Variants in TARS3 observed in about 807,000 individuals in gnomAD.
The protein encoded by TARS3 is threonyl-tRNA synthetase 3.
A neutral mutation model predicts 103.5 loss-of-function variants in TARS3; 94 were observed. The observed-to-expected ratio is 0.91, with a 90% confidence interval of 0.77 to 1.08. TARS3 has a LOEUF of 1.08. TARS3 is among the 50% of genes least tolerant of loss of function. The pLI, the probability that TARS3 is intolerant of heterozygous loss-of-function variation, is 0.00. For missense variants in TARS3, 952 were observed against 995.2 expected, an observed-to-expected ratio of 0.96 and a Z score of 0.58; for synonymous variants, 416 against 355.4, an observed-to-expected ratio of 1.17 and a Z score of -1.92.
chr15:101,705,353 T>C (rs1484851470), intron 7 of TARS3, among the ~76,000 whole-genome samples: 2 of 152,146 alleles, frequency 1.3e-5, no homozygotes, highest in African/African-American at 4.8e-5. Context: ...GCCGAGGAGA[T>C]GGCTTGTAAT....
intron 3 of TARS3, among the ~76,000 whole-genome samples, chr15:101,718,721 G>C (rs755104522): frequency 6.6e-6 from 1 of 152,072 alleles, no homozygotes; most frequent in Non-Finnish European, 1.5e-5. Flanking sequence ...GGAGTGAGCC[G>C]AATAAAAAAG....
intron 4 of TARS3, among the ~76,000 whole-genome samples, chr15:101,712,863 G>A (rs970811443): frequency 2.0e-5 from 3 of 152,226 alleles, no homozygotes; most frequent in African/African-American, 7.2e-5. Context: ...GGAGTCAGAT[G>A]ATGGAGCACT....
intron 3 of TARS3, among the ~76,000 whole-genome samples, chr15:101,716,470 T>C (rs1473380618): frequency 6.6e-6 from 1 of 152,200 alleles, no homozygotes; most frequent in East Asian, 1.9e-4. Context: ...ATCATAATTA[T>C]GTGATTTTAT....
At chr15:101,689,763 A>G (rs570089891) in intron 10 of TARS3, among the ~76,000 whole-genome samples, 1 of 152,280 alleles carries the variant, frequency 6.6e-6, no homozygotes, top group South Asian at 2.1e-4. Context: ...ACTGGGAGAT[A>G]ATAAATTTCT....
At chr15:101,721,361 G>A in intron 2 of TARS3, 39 bp from the exon 3 acceptor site, 1 of 1,517,160 alleles carries the variant, frequency 6.6e-7, no homozygotes, top group Non-Finnish European at 9.1e-7. Context: ...AATATATACA[G>A]CCTACTGTTT....
At chr15:101,697,108 T>C (rs1899018860) in intron 10 of TARS3, among the ~76,000 whole-genome samples, 1 of 152,232 alleles carries the variant, frequency 6.6e-6, no homozygotes, top group Non-Finnish European at 1.5e-5. Context: ...TCAGCATAAA[T>C]TCCTGTCTTA....
chr15:101,683,970 T>C, intron 12 of TARS3, 105 bp downstream of exon 12: 1 of 1,172,718 alleles, frequency 8.5e-7, no homozygotes, highest in Non-Finnish European at 1.2e-6. Flanking sequence ...TCTCAGAGAC[T>C]AGACCAAACG....
rs1486990308 is a variant in TARS3, at chr15:101,723,138, C to T, written c.324G>A (p.Lys108=). Residue 108 remains lysine, a synonymous_variant, in exon 2 of 19, where the codon AAG becomes AAA. Transcript: ENST00000335968. The part of the protein sequence containing the change: ...AQPPPSQSQD[K]DMKKKKMKES... ...CCTTCATTTTCTTCTTTTTCATGTCCTTGTCTTGGCTTTGACTAGGAGGAG... is the reference window on the plus strand; with the variant it reads ...CCTTCATTTTCTTCTTTTTCATGTCTTTGTCTTGGCTTTGACTAGGAGGAG... 2 of 1,614,046 alleles carry T rather than the reference C, an allele frequency of 1.2e-6. No individual in the cohort carries two copies. The highest frequency in any genetic ancestry group is 1.7e-5 in the Admixed American group (1 of 60,010).
At chr15:101,699,988 G>T (rs535983078) in intron 10 of TARS3, among the ~76,000 whole-genome samples, 1 of 152,204 alleles carries the variant, frequency 6.6e-6, no homozygotes, top group East Asian at 1.9e-4. Context: ...CCATCAGTTT[G>T]CAAGAATCTT....
Position 101,714,971 on chromosome 15 carries a change from G to C in TARS3, c.567-8C>G, listed in dbSNP as rs376679836. The C allele has an allele frequency of 1.0e-4, 160 of 1,597,888 alleles. No homozygotes were observed. The highest frequency in any genetic ancestry group is 1.3e-4 in the Non-Finnish European group (156 of 1,172,330). The stretch of plus-strand genomic sequence containing the variant: ...CTTTCAGCCAGTTCCTGACTAAGAA[G>C]ACAAAAGCCACTTGGGAGTTAACTT... On this transcript the variant is annotated splice_region_variant and splice_polypyrimidine_tract_variant and intron_variant, in intron 3 of 18. Coordinates refer to ENST00000335968, the MANE Select transcript of TARS3 (RefSeq NM_152334.3).
At chr15:101,704,249 A>G (rs563712803) in intron 7 of TARS3, among the ~76,000 whole-genome samples, 4 of 152,350 alleles carry the variant, frequency 2.6e-5, no homozygotes, top group African/African-American at 4.8e-5. Context: ...ATCTCTCTCA[A>G]TGGTCAGTCT....
intron 3 of TARS3, among the ~76,000 whole-genome samples, chr15:101,716,855 ATTTTTTTT>A (rs34234379): frequency 7.6e-6 from 1 of 131,668 alleles, no homozygotes; most frequent in African/African-American, 2.9e-5. Context: ...CTACAATGTA[ATTTTTTTT>A]TTTTTTTTTT....
At chr15:101,658,738 G>A (rs1053998795) in intron 16 of TARS3, among the ~76,000 whole-genome samples, 2 of 152,184 alleles carry the variant, frequency 1.3e-5, no homozygotes, top group Non-Finnish European at 2.9e-5. Flanking sequence ...ATCTAGTTTT[G>A]CAAGATGTTA....
chr15:101,661,675 T>C (rs1421118499), intron 16 of TARS3, 37 bp downstream of exon 16: 1 of 1,215,672 alleles, frequency 8.2e-7, no homozygotes, highest in East Asian at 2.5e-5. Context: ...TTAAAAAGAA[T>C]AATAGACATA....
chr15:101,661,898 A>C lies in TARS3; in HGVS notation c.1968-82T>G, dbSNP rs577163802. The C allele has an allele frequency of 1.8e-4, 146 of 823,666 alleles. 2 individuals carry two copies. The African/African-American group carries it at 2.3e-3, about 13-fold the overall frequency. The allele number at this position is 823,666 out of a possible 1,614,324, so 51.0% of individuals were successfully genotyped here. A position where few individuals can be genotyped will look rare whatever the true frequency, so the allele number is the denominator to read the frequency against. On this transcript the variant is annotated intron_variant, in intron 15 of 18. Coordinates refer to ENST00000335968, the MANE Select transcript of TARS3 (RefSeq NM_152334.3). ...TAGCCTTATATTTAATTTTGAGAAT[A>C]GATTTAGATTAGTGATATCAGATCT...
chr15:101,675,840 T>C (rs1312294790), intron 12 of TARS3, 103 bp from the exon 13 acceptor site: 5 of 1,275,876 alleles, frequency 3.9e-6, no homozygotes, highest in African/African-American at 1.5e-5. Context: ...ATGTTTTTAA[T>C]GGAGTACAGT....
intron 16 of TARS3, among the ~76,000 whole-genome samples, chr15:101,660,153 T>C (rs1277994623): frequency 1.3e-5 from 2 of 152,210 alleles, no homozygotes; most frequent in African/African-American, 4.8e-5. Flanking sequence ...CGGTGCCCAG[T>C]GTCCACAGTG....
intron 6 of TARS3, among the ~76,000 whole-genome samples, chr15:101,705,963 GGTT>G (rs141632144): frequency 7.9e-5 from 12 of 151,912 alleles, no homozygotes; most frequent in Non-Finnish European, 1.5e-4. Flanking sequence ...ATTAATTTGT[GGTT>G]GTTGTTGTTG....
chr15:101,708,382 TAA>T (rs1469044468), intron 6 of TARS3, among the ~76,000 whole-genome samples: 1 of 147,670 alleles, frequency 6.8e-6, no homozygotes, highest in Non-Finnish European at 1.5e-5. Flanking sequence ...CAAAAAAATA[TAA>T]AGAGAAAGTT....
Sources: gnomAD v4.1 joint callset for allele counts (sites outside exome capture counted in the v4.1 genomes callset) on GRCh38, gnomAD v4.1.1 for gene constraint, MANE v1.5 for transcripts, NCBI Gene and HGNC (gene_info 2026-07-23, HGNC 2026-07-21) for gene names.